TMEM245: variants seen among roughly 807,000 people sequenced by gnomAD.
TMEM245 encodes the protein protein CG-2.
TMEM245 carries 69 observed loss-of-function variants against 101.2 expected under a neutral mutation model. The observed-to-expected ratio is 0.68, with a 90% CI of 0.56 to 0.83. TMEM245 has a LOEUF of 0.83. Among genes scored for constraint, TMEM245 ranks in the 40% least tolerant of loss-of-function variants. The pLI is 0.00. For synonymous variants in TMEM245, 537 were observed against 449.8 expected (o/e 1.19, Z -2.45); for missense variants, 1,075 against 1,092.8 (o/e 0.98, Z 0.23).
intron 9 of TMEM245, among the ~76,000 whole-genome samples, chr9:109,069,030 T>C (rs2132470565): frequency 6.6e-6 from 1 of 152,318 alleles, no homozygotes; most frequent in East Asian, 1.9e-4. Flanking sequence ...CTGGTTTTAT[T>C]GTACTATAGT....
rs527678116 is a variant in TMEM245, at chr9:109,117,258, C to T, written c.579+2077G>A. Among the ~76,000 whole-genome samples the T allele has an allele frequency of 1.4e-4, 21 of 151,348 alleles. No individual in the cohort carries two copies. In the South Asian group the frequency reaches 2.7e-3, roughly 20 times the overall value. ...CCAAATAGTTGGGATTACAGGTGCC[C>T]ACCACCACACCCAGCTAATTTTTTT... On this transcript the variant is annotated intron_variant, in intron 1 of 17. Coordinates refer to ENST00000374586, the MANE Select transcript of TMEM245 (RefSeq NM_032012.4).
At chr9:109,044,699 T>C (rs1161590201) in intron 14 of TMEM245, among the ~76,000 whole-genome samples, 1 of 152,038 alleles carries the variant, frequency 6.6e-6, no homozygotes, top group Non-Finnish European at 1.5e-5. Flanking sequence ...TCAATACATA[T>C]AATGTATAGT....
chr9:109,028,951 C>T (rs77219211), intron 17 of TMEM245, among the ~76,000 whole-genome samples: 378 of 152,182 alleles, frequency 2.5e-3, no homozygotes, highest in African/African-American at 8.8e-3. Context: ...CCTGAACTCC[C>T]GACCCACAGA....
chr9:109,119,710 G>C lies in TMEM245; in HGVS notation c.204C>G (p.Gly68=). ...GGATGAAGTAGACCAGCACCGCGGC[G>C]CCGCAGCACAGGCACACGAACAGCA... ...GAVLFVCLCC[G]AAVLVYFILE... The change falls in exon 1 of 18, where the codon GGC becomes GGG. Residue 68 remains glycine, a synonymous_variant. Coordinates refer to ENST00000374586, the MANE Select transcript of TMEM245 (RefSeq NM_032012.4). 1.3e-6 allele frequency: 2 copies of C among 1,549,272 alleles called. No homozygotes were observed. The highest frequency in any genetic ancestry group is 1.7e-6 in the Non-Finnish European group (2 of 1,151,814).
chr9:109,020,773 T>C (rs776066125), intron 17 of TMEM245, among the ~76,000 whole-genome samples: 1 of 152,204 alleles, frequency 6.6e-6, no homozygotes, highest in Non-Finnish European at 1.5e-5. Flanking sequence ...GAGATTTAAG[T>C]AGAAGTGTTG....
At chr9:109,049,372 C>T (rs1363582927) in intron 14 of TMEM245, among the ~76,000 whole-genome samples, 16 of 152,114 alleles carry the variant, frequency 1.1e-4, no homozygotes, top group Non-Finnish European at 2.9e-5. Flanking sequence ...CACCACCATG[C>T]CTGGCTAATC....
At chr9:109,085,939 C>G (rs1829819978) in intron 7 of TMEM245, 58 bp downstream of exon 7, 6 of 1,567,722 alleles carry the variant, frequency 3.8e-6, no homozygotes, top group South Asian at 3.3e-5. Flanking sequence ...GTGAAAAAGG[C>G]GATACAGGGG....
chr9:109,073,868 T>TG (rs960202571), intron 8 of TMEM245, among the ~76,000 whole-genome samples: 10 of 149,414 alleles, frequency 6.7e-5, no homozygotes, highest in South Asian at 2.1e-4. Flanking sequence ...TTTTTTTTTT[T>TG]TTTTTTTAGC....
chr9:109,049,519 T>C (rs999525711), intron 14 of TMEM245, among the ~76,000 whole-genome samples: 16 of 152,136 alleles, frequency 1.1e-4, no homozygotes, highest in African/African-American at 3.9e-4. Flanking sequence ...CAGTCTGTTT[T>C]TTTGTTTTTT....
rs1381701819 is a variant in TMEM245, at chr9:109,119,846, A to T, written c.68T>A (p.Val23Asp). 1.5e-6 allele frequency: 2 copies of T among 1,332,560 alleles called. No homozygotes were observed. Among genetic ancestry groups the T allele is most frequent in the Non-Finnish European group, 1.9e-6 (2 of 1,052,028 alleles). The allele number at this position is 1,332,560 out of a possible 1,614,324, so 82.5% of individuals were successfully genotyped here. A position where few individuals can be genotyped will look rare whatever the true frequency, so the allele number is the denominator to read the frequency against. Residue 23 changes from valine (V) to aspartate (D), a missense_variant, in exon 1 of 18, where the codon GTC becomes GAC. Coordinates refer to ENST00000374586, the MANE Select transcript of TMEM245 (RefSeq NM_032012.4). ...LRSSPGPAPR[V>D]PRAVGPSGGG... ...GCCACTCGGCCCGACCGCGCGCGGG[A>T]CCCGCGGCGCCGGCCCGGGAGAGCT...
At chr9:109,118,209 C>T (rs1830781505) in intron 1 of TMEM245, among the ~76,000 whole-genome samples, 1 of 152,156 alleles carries the variant, frequency 6.6e-6, no homozygotes, top group Admixed American at 6.5e-5. Flanking sequence ...AAACATGAAC[C>T]AAGAGGTGGT....
intron 3 of TMEM245, among the ~76,000 whole-genome samples, chr9:109,104,744 T>C (rs1234654966): frequency 6.6e-6 from 1 of 152,146 alleles, no homozygotes; most frequent in South Asian, 2.1e-4. Context: ...ATATATATGG[T>C]CAACTGATTT....
chr9:109,048,262 T>C (rs1828560165), intron 14 of TMEM245, among the ~76,000 whole-genome samples: 1 of 151,980 alleles, frequency 6.6e-6, no homozygotes, highest in Admixed American at 6.6e-5. Context: ...GCCTTGCTAG[T>C]AGGAAAAGGG....
rs1829985686 is a variant in TMEM245 at position 109,090,962 on chromosome 9, C to T, written c.1110G>A (p.Leu370=). The T allele has an allele frequency of 3.7e-6, 6 of 1,614,154 alleles. No individual in the cohort carries two copies. The highest frequency in any genetic ancestry group is 4.2e-6 in the Non-Finnish European group (5 of 1,180,042). ...VWAIVVMQIW[L]NLWIVQLLPV... is the part of the protein sequence containing the mutation. ...GCAGCAACTGCACAATCCACAGGTT[C>T]AACCAGATCTGCATGACGACAATGG... Residue 370 remains leucine (L), a synonymous_variant, in exon 5 of 18, where the codon TTG becomes TTA. Transcript: ENST00000374586.
At chr9:109,041,242 T>C (rs1318801677) in intron 14 of TMEM245, among the ~76,000 whole-genome samples, 1 of 152,056 alleles carries the variant, frequency 6.6e-6, no homozygotes. Flanking sequence ...GCAGTGGCTA[T>C]TAGTAGAAAA....
intron 9 of TMEM245, 97 bp from the exon 10 acceptor site, chr9:109,064,664 A>T: frequency 1.0e-6 from 1 of 959,588 alleles, no homozygotes; most frequent in Non-Finnish European, 1.6e-6. Flanking sequence ...TAACAGACAG[A>T]CTGTTGATCA....
At position 109,050,986 on chromosome 9, in the gene TMEM245, A is replaced by T. The variant is rs942023074; in HGVS notation, c.1855-294T>A. 2.0e-5 allele frequency among the ~76,000 whole-genome samples: 3 copies of T among 152,182 alleles called. No homozygotes were observed. In the South Asian group the frequency reaches 6.2e-4, roughly 32 times the overall value. On this transcript the variant is annotated intron_variant, in intron 12 of 17. Coordinates refer to ENST00000374586, the MANE Select transcript of TMEM245 (RefSeq NM_032012.4). ...TGAAATGCTAAATTTAAAAAACAGG[A>T]TTAAAACATTTTATATATAATTGGT...
intron 9 of TMEM245, among the ~76,000 whole-genome samples, chr9:109,069,746 A>T (rs1004017546): frequency 1.3e-5 from 2 of 152,186 alleles, no homozygotes; most frequent in African/African-American, 4.8e-5. Flanking sequence ...AGGCTTCTCC[A>T]TCTTAAAAAA....
intron 8 of TMEM245, among the ~76,000 whole-genome samples, chr9:109,078,243 T>C (rs919438441): frequency 6.6e-5 from 10 of 152,192 alleles, no homozygotes; most frequent in Admixed American, 1.3e-4. Context: ...CATCTATATA[T>C]GTTATAAAGG....
Sources: allele counts gnomAD v4.1 joint callset (sites outside exome capture counted in the v4.1 genomes callset), GRCh38; gene constraint gnomAD v4.1.1; transcripts MANE v1.5; gene names NCBI Gene and HGNC (gene_info 2026-07-23, HGNC 2026-07-21).